Variants in PDZD2 observed in about 807,000 individuals in gnomAD.
PDZD2 encodes PDZ domain-containing protein 2.
PDZD2 carries 90 observed loss-of-function variants against 220.7 expected under a neutral mutation model. That is an observed-to-expected ratio of 0.41 (90% CI 0.34 to 0.49). The LOEUF (loss-of-function observed/expected upper bound fraction) is 0.49, where lower values mean the gene tolerates loss of function less well. PDZD2 is among the 20% of genes least tolerant of loss of function. PDZD2 has a pLI of 0.28. For missense variants in PDZD2, 3,174 were observed against 3,608.5 expected (o/e 0.88, Z 3.08); for synonymous variants, 1,375 against 1,450.5 (o/e 0.95, Z 1.18).
At chr5:31,694,162 G>A (rs1299949798) in intron 1 of PDZD2, among the ~76,000 whole-genome samples, 1 of 152,142 alleles carries the variant, frequency 6.6e-6, no homozygotes, top group African/African-American at 2.4e-5. Context: ...AGGCCATGGT[G>A]GGCAGATCAC....
intron 6 of PDZD2, among the ~76,000 whole-genome samples, chr5:32,033,024 T>C (rs1387664420): frequency 6.6e-6 from 1 of 152,236 alleles, no homozygotes; most frequent in African/African-American, 2.4e-5. Context: ...TATAATGGGA[T>C]TGTTTTGTAC....
At chr5:31,809,691 A>G in intron 2 of PDZD2, among the ~76,000 whole-genome samples, 1 of 152,222 alleles carries the variant, frequency 6.6e-6, no homozygotes, top group Admixed American at 6.5e-5. Context: ...GAAAACTGGC[A>G]AACTTGGCCA....
chr5:31,644,222 C>T (rs911170251), intron 1 of PDZD2, among the ~76,000 whole-genome samples: 8 of 152,182 alleles, frequency 5.3e-5, no homozygotes, highest in Non-Finnish European at 8.8e-5. Context: ...TGGACCTATG[C>T]ATCGGTTGCA....
chr5:32,090,003 G>A lies in PDZD2; in HGVS notation c.6555G>A (p.Gln2185=). The change falls in exon 20 of 25, where the codon CAG becomes CAA. Residue 2185 remains glutamine (Q), a synonymous_variant. Transcript: ENST00000438447. The surrounding 1 kb of genome is among the most constrained non-coding windows in gnomAD (Gnocchi z 4.3). ...CCATTAGAAAGGCAGAATACTCCCA[G>A]GGAAAATCAAGCCTGATGTCAGACT... ...QTAIRKAEYS[Q]GKSSLMSDSR... 1.9e-6 allele frequency: 3 copies of A among 1,604,832 alleles called. No homozygotes were observed. Among genetic ancestry groups the A allele is most frequent in the East Asian group, 2.2e-5 (1 of 44,788 alleles).
chr5:32,003,641 A>G (rs753046669), intron 5 of PDZD2, among the ~76,000 whole-genome samples: 1 of 152,098 alleles, frequency 6.6e-6, no homozygotes, highest in Non-Finnish European at 1.5e-5. Context: ...GCATTCCACC[A>G]TGTACTGCTA....
chr5:32,108,341 C>T lies in PDZD2; in HGVS notation c.*206C>T, dbSNP rs1745002258. The T allele has an allele frequency of 2.5e-6, 1 of 402,258 alleles. No homozygotes were observed. Among genetic ancestry groups the T allele is most frequent in the Admixed American group, 4.2e-5 (1 of 23,842 alleles). The allele number at this position is 402,258 out of a possible 1,614,324, so 24.9% of individuals were successfully genotyped here. On this transcript the variant is annotated 3_prime_UTR_variant, in exon 25 of 25. Coordinates refer to ENST00000438447, the MANE Select transcript of PDZD2 (RefSeq NM_178140.4). The stretch of plus-strand genomic sequence containing the variant: ...TCCAGAAGCCTTCCACCTGCGTCAC[C>T]CAGGCCGGGAGGGTTCCTTCGTTCC...
intron 1 of PDZD2, among the ~76,000 whole-genome samples, chr5:31,730,716 GTC>G (rs1459908147): frequency 6.6e-6 from 1 of 152,064 alleles, no homozygotes; most frequent in Non-Finnish European, 1.5e-5. Context: ...CTTGGAATGA[GTC>G]TCAAAATGAG....
intron 1 of PDZD2, among the ~76,000 whole-genome samples, chr5:31,795,320 A>G (rs963575857): frequency 8.5e-5 from 13 of 152,222 alleles, no homozygotes; most frequent in African/African-American, 2.9e-4. Flanking sequence ...ACAGGATCCA[A>G]GAAAGTTGGT....
chr5:31,640,384 AGT>A (rs887007397), intron 1 of PDZD2, among the ~76,000 whole-genome samples: 9 of 152,306 alleles, frequency 5.9e-5, no homozygotes, highest in African/African-American at 2.2e-4. Context: ...GCCGTTGGGC[AGT>A]GTTGGGGGAT....
At chr5:31,776,013 C>T (rs1325969137) in intron 1 of PDZD2, among the ~76,000 whole-genome samples, 2 of 152,098 alleles carry the variant, frequency 1.3e-5, no homozygotes, top group Non-Finnish European at 2.9e-5. Context: ...TTGGCCATTC[C>T]CACTAGGTCT....
At chr5:31,807,361 G>C (rs1024243039) in intron 2 of PDZD2, among the ~76,000 whole-genome samples, 1 of 152,202 alleles carries the variant, frequency 6.6e-6, no homozygotes, top group African/African-American at 2.4e-5. Context: ...TCAGCCACAG[G>C]CTGTTGCTGC....
chr5:31,900,985 C>G (rs377009404), intron 2 of PDZD2, among the ~76,000 whole-genome samples: 21 of 152,296 alleles, frequency 1.4e-4, no homozygotes, highest in Admixed American at 3.9e-4. Context: ...CTTAATTTTT[C>G]TGGTTTTCTC....
intron 8 of PDZD2, among the ~76,000 whole-genome samples, chr5:32,050,328 G>A (rs375209841): frequency 8.3e-4 from 127 of 152,288 alleles, no homozygotes; most frequent in African/African-American, 2.5e-3. Flanking sequence ...GAGGAAACCC[G>A]ACAGCATTTG....
chr5:31,875,213 CT>C (rs1739195518), intron 2 of PDZD2, among the ~76,000 whole-genome samples: 1 of 152,016 alleles, frequency 6.6e-6, no homozygotes, highest in African/African-American at 2.4e-5. Context: ...ATATTTAGGG[CT>C]TTTTTGGCTT....
intron 19 of PDZD2, among the ~76,000 whole-genome samples, chr5:32,078,300 G>C (rs1450202707): frequency 6.6e-6 from 1 of 152,206 alleles, no homozygotes; most frequent in Non-Finnish European, 1.5e-5. Flanking sequence ...GTGTTGATGA[G>C]AGATTAAGTA....
intron 2 of PDZD2, among the ~76,000 whole-genome samples, chr5:31,886,151 G>A (rs1740450909): frequency 6.6e-6 from 1 of 152,180 alleles, no homozygotes; most frequent in African/African-American, 2.4e-5. Flanking sequence ...CGCCTGTCTT[G>A]GCCTCCCAAA....
At chr5:32,105,006 G>A (rs1744623421) in intron 24 of PDZD2, among the ~76,000 whole-genome samples, 2 of 151,482 alleles carry the variant, frequency 1.3e-5, no homozygotes, top group Admixed American at 1.3e-4. Context: ...GTGGCGGCAC[G>A]CACCTATAGT....
intron 1 of PDZD2, among the ~76,000 whole-genome samples, chr5:31,737,774 A>T (rs947712891): frequency 1.3e-5 from 2 of 152,238 alleles, no homozygotes; most frequent in Non-Finnish European, 2.9e-5. Context: ...CTAGCTGGAT[A>T]AATCTGCTTT....
intron 7 of PDZD2, among the ~76,000 whole-genome samples, chr5:32,045,508 C>T (rs1737843670): frequency 6.6e-6 from 1 of 151,516 alleles, no homozygotes; most frequent in Admixed American, 6.6e-5. Flanking sequence ...TGCAACCTCC[C>T]CTTCTGGATT....
Sources: allele counts gnomAD v4.1 joint callset (sites outside exome capture counted in the v4.1 genomes callset), GRCh38; gene constraint gnomAD v4.1.1; non-coding constraint Gnocchi (gnomAD v3.1); transcripts MANE v1.5; gene names NCBI Gene and HGNC (gene_info 2026-07-23, HGNC 2026-07-21).